The following HCN1 variants were observed in gnomAD, a reference collection of about 807,000 sequenced individuals.
HCN1 encodes potassium/sodium hyperpolarization-activated cyclic nucleotide-gated channel 1.
In HCN1, 13 loss-of-function variants were observed where a neutral mutation model predicts 78.9. The observed-to-expected ratio is 0.16, with a 90% confidence interval of 0.11 to 0.26. HCN1 has a LOEUF of 0.26. Ranked by LOEUF, HCN1 falls within the 10% of genes least tolerant of loss-of-function variation. The probability of loss-of-function intolerance (pLI) is 1.00; values close to 1 mark genes in which losing one functional copy is unlikely to be tolerated. For synonymous variants in HCN1, 552 were observed against 455.5 expected (o/e 1.21, Z -2.70); for missense variants, 810 against 1,154.3 (o/e 0.70, Z 4.32).
intron 4 of HCN1, among the ~76,000 whole-genome samples, chr5:45,372,080 AAT>A (rs1747392846): frequency 1.7e-5 from 1 of 58,476 alleles, no homozygotes; most frequent in African/African-American, 9.0e-5. Context: ...TATTATATAT[AAT>A]ATAATTATAT....
At chr5:45,653,483 C>T (rs1330463207) in intron 1 of HCN1, among the ~76,000 whole-genome samples, 4 of 152,078 alleles carry the variant, frequency 2.6e-5, no homozygotes, top group Non-Finnish European at 4.4e-5. Context: ...AATTAAATGC[C>T]AATCATCTTT....
At chr5:45,463,750 G>A (rs549240184) in intron 2 of HCN1, among the ~76,000 whole-genome samples, 5 of 152,078 alleles carry the variant, frequency 3.3e-5, no homozygotes, top group African/African-American at 1.2e-4. Flanking sequence ...AAGTCATCAT[G>A]AACTTAGTTT....
rs571231515 is a variant in HCN1 at position 45,493,625 on chromosome 5, G to A, written c.850-31618C>T. ...TTTATTTATTATTATTATACTTTAAGTTTTAGGGTACATGTGCACAATGTG... is the reference window on the plus strand; with the variant it reads ...TTTATTTATTATTATTATACTTTAAATTTTAGGGTACATGTGCACAATGTG... On this transcript the variant is annotated intron_variant, in intron 2 of 7. Coordinates refer to ENST00000303230, the MANE Select transcript of HCN1 (RefSeq NM_021072.4). 3.3e-3 allele frequency among the ~76,000 whole-genome samples: 495 copies of A among 149,272 alleles called. 1 individual carries two copies. Among genetic ancestry groups the A allele is most frequent in the Middle Eastern group, 0.01 (3 of 292 alleles).
chr5:45,653,220 A>C (rs1448230249), intron 1 of HCN1, among the ~76,000 whole-genome samples: 1 of 151,990 alleles, frequency 6.6e-6, no homozygotes, highest in Non-Finnish European at 1.5e-5. Flanking sequence ...ACATTGCCTT[A>C]CATTACTTCA....
intron 1 of HCN1, among the ~76,000 whole-genome samples, chr5:45,664,374 G>T (rs1745989102): frequency 6.9e-6 from 1 of 144,286 alleles, no homozygotes; most frequent in African/African-American, 2.6e-5. Context: ...ACGTTAGTGG[G>T]TGCAGCGCAC....
chr5:45,450,696 T>C (rs540845213), intron 3 of HCN1, among the ~76,000 whole-genome samples: 1 of 152,286 alleles, frequency 6.6e-6, no homozygotes, highest in African/African-American at 2.4e-5. Flanking sequence ...GTAATAGTAG[T>C]TGGTAGAATT....
At chr5:45,434,154 A>G (rs558914297) in intron 3 of HCN1, among the ~76,000 whole-genome samples, 4 of 152,236 alleles carry the variant, frequency 2.6e-5, no homozygotes, top group Non-Finnish European at 4.4e-5. Flanking sequence ...ATGAATTTTA[A>G]GTTGCTTCTG....
At chr5:45,519,280 T>A (rs1742571725) in intron 2 of HCN1, among the ~76,000 whole-genome samples, 1 of 152,048 alleles carries the variant, frequency 6.6e-6, no homozygotes, top group Non-Finnish European at 1.5e-5. Flanking sequence ...TTCAAGAAGA[T>A]GATCAGGTAA....
In HCN1 at chr5:45,350,266, A is replaced by G. The variant is rs190130135; in HGVS notation, c.1377+2834T>C. 9.2e-5 allele frequency among the ~76,000 whole-genome samples: 14 copies of G among 152,340 alleles called. 1 individual carries two copies. Among genetic ancestry groups the G allele is most frequent in the Admixed American group, 3.9e-4 (6 of 15,306 alleles). On this transcript the variant is annotated intron_variant, in intron 5 of 7. Transcript: ENST00000303230. Reference sequence around the variant, plus strand: ...ATCCAGCAAATAAACAGAACCAAAGACAAAAACTACATGATTATCTCAATA... The same window carrying G: ...ATCCAGCAAATAAACAGAACCAAAGGCAAAAACTACATGATTATCTCAATA...
chr5:45,272,077 C>G (rs958944357), intron 6 of HCN1, among the ~76,000 whole-genome samples: 12 of 151,908 alleles, frequency 7.9e-5, no homozygotes, highest in African/African-American at 2.7e-4. Context: ...ACACCCTTAG[C>G]AACGAAAAAA....
chr5:45,265,281 A>T (rs1376581610), intron 7 of HCN1, among the ~76,000 whole-genome samples: 1 of 152,164 alleles, frequency 6.6e-6, no homozygotes, highest in Non-Finnish European at 1.5e-5. Flanking sequence ...CCTGATTTTA[A>T]TGTTTTCTCT....
chr5:45,492,519 GTTT>G (rs928476311), intron 2 of HCN1, among the ~76,000 whole-genome samples: 1 of 102,348 alleles, frequency 9.8e-6, no homozygotes, highest in Non-Finnish European at 1.9e-5. Flanking sequence ...CAGTTTTTTT[GTTT>G]TTTTTTTTTT....
At chr5:45,597,707 C>A (rs181417353) in intron 2 of HCN1, among the ~76,000 whole-genome samples, 7 of 152,266 alleles carry the variant, frequency 4.6e-5, no homozygotes, top group Non-Finnish European at 1.0e-4. Context: ...GGCTGATAAG[C>A]AACTTCAGCG....
At chr5:45,534,436 A>AAAAAAAAAAAAAAAAC (rs1742923745) in intron 2 of HCN1, among the ~76,000 whole-genome samples, 1 of 143,706 alleles carries the variant, frequency 7.0e-6, no homozygotes. Flanking sequence ...AAAAAAAAAA[A>AAAAAAAAAAAAAAAAC]AAAAAAAAAT....
chr5:45,342,784 C>G (rs893663719), intron 5 of HCN1, among the ~76,000 whole-genome samples: 6 of 152,006 alleles, frequency 3.9e-5, no homozygotes, highest in African/African-American at 1.4e-4. Flanking sequence ...AGTTGGAATA[C>G]AAATACTTGT....
intron 2 of HCN1, among the ~76,000 whole-genome samples, chr5:45,523,736 G>A (rs1201700840): frequency 2.0e-5 from 3 of 152,146 alleles, no homozygotes; most frequent in Non-Finnish European, 2.9e-5. Context: ...ATTTCTTTGA[G>A]TTCATTGTAG....
chr5:45,657,368 T>A (rs1357217359), intron 1 of HCN1, among the ~76,000 whole-genome samples: 1 of 152,206 alleles, frequency 6.6e-6, no homozygotes, highest in African/African-American at 2.4e-5. Flanking sequence ...CTTTCCTTCA[T>A]AATTTAGTGG....
chr5:45,442,965 A>G (rs1426463180), intron 3 of HCN1, among the ~76,000 whole-genome samples: 2 of 152,104 alleles, frequency 1.3e-5, no homozygotes, highest in African/African-American at 4.8e-5. Flanking sequence ...TTTGTCATGT[A>G]CCTAACTTTT....
chr5:45,465,536 C>A lies in HCN1; in HGVS notation c.850-3529G>T, dbSNP rs1014656947. 2.0e-5 allele frequency among the ~76,000 whole-genome samples: 3 copies of A among 152,186 alleles called. No homozygotes were observed. In the East Asian group the frequency reaches 5.8e-4, roughly 29 times the overall value. On this transcript the variant is annotated intron_variant, in intron 2 of 7. Transcript: ENST00000303230. ...CTGTGGGAGGCCGAGGTGGGTGGAT[C>A]ACAAGGTCAGGAGTTCGAGACCAGC...
Sources: allele counts gnomAD v4.1 joint callset (sites outside exome capture counted in the v4.1 genomes callset), GRCh38; gene constraint gnomAD v4.1.1; transcripts MANE v1.5; gene names NCBI Gene and HGNC (gene_info 2026-07-23, HGNC 2026-07-21).